The following ABTB3 variants were observed in gnomAD, a reference collection of about 807,000 sequenced individuals.
The protein encoded by ABTB3 is ankyrin repeat- and BTB/POZ domain-containing protein 3.
the ABTB3 span, among the ~76,000 whole-genome samples, chr12:107,639,470 A>C: frequency 6.6e-6 from 1 of 152,146 alleles, no homozygotes; most frequent in Non-Finnish European, 1.5e-5. Flanking sequence ...GTTCCCAGAA[A>C]GAGAGGATGT....
chr12:107,486,043 G>A, the ABTB3 span, among the ~76,000 whole-genome samples: 5 of 152,148 alleles, frequency 3.3e-5, no homozygotes, highest in South Asian at 1.0e-3. Flanking sequence ...TTATTATTTG[G>A]TGCTGTGGTT....
the ABTB3 span, among the ~76,000 whole-genome samples, chr12:107,493,032 G>A: frequency 4.0e-5 from 6 of 151,698 alleles, no homozygotes; most frequent in Admixed American, 1.3e-4. Context: ...ATTAACCTCC[G>A]GGGCAAAAGA....
the ABTB3 span, among the ~76,000 whole-genome samples, chr12:107,336,727 A>G: frequency 2.0e-5 from 3 of 152,372 alleles, no homozygotes; most frequent in South Asian, 6.2e-4. Context: ...CATAGTAGGC[A>G]CTTCAACATA....
At chr12:107,597,332 A>C in the ABTB3 span, among the ~76,000 whole-genome samples, 9 of 152,336 alleles carry the variant, frequency 5.9e-5, no homozygotes, top group Non-Finnish European at 1.2e-4. Flanking sequence ...CAGAATGGGT[A>C]TTTATAAAGA....
At chr12:107,493,013 A>C in the ABTB3 span, among the ~76,000 whole-genome samples, 4 of 152,012 alleles carry the variant, frequency 2.6e-5, no homozygotes, top group South Asian at 8.3e-4. Context: ...CTAGGAAAAC[A>C]GGAAGCACAT....
chr12:107,388,706 C>G, the ABTB3 span, among the ~76,000 whole-genome samples: 114 of 152,330 alleles, frequency 7.5e-4, no homozygotes, highest in African/African-American at 2.5e-3. Context: ...ACAGCACCAG[C>G]AGGTCTCCGT....
At chr12:107,318,945 C>T in the ABTB3 span, 1 of 1,602,876 alleles carries the variant, frequency 6.2e-7, no homozygotes, top group East Asian at 2.2e-5. Flanking sequence ...GCAGCGATGG[C>T]CAGGAGAGGT....
At chr12:107,589,788 T>G in the ABTB3 span, among the ~76,000 whole-genome samples, 3 of 152,238 alleles carry the variant, frequency 2.0e-5, no homozygotes, top group Non-Finnish European at 2.9e-5. Context: ...GTTGCCTTGA[T>G]TGTGGGGCTT....
chr12:107,449,207 G>A, the ABTB3 span, among the ~76,000 whole-genome samples: 1 of 152,176 alleles, frequency 6.6e-6, no homozygotes, highest in African/African-American at 2.4e-5. Context: ...GGAAGCCCAG[G>A]TAACATCAGA....
chr12:107,367,223 G>C, the ABTB3 span, among the ~76,000 whole-genome samples: 1 of 152,184 alleles, frequency 6.6e-6, no homozygotes, highest in African/African-American at 2.4e-5. Context: ...TTCATACCAA[G>C]GGGGTGGTAA....
At chr12:107,581,148 G>A in the ABTB3 span, 1 of 1,545,190 alleles carries the variant, frequency 6.5e-7, no homozygotes, top group Non-Finnish European at 8.7e-7. Flanking sequence ...TCCTCCCACC[G>A]CAGGCCCTTC....
At chr12:107,612,287 C>G in the ABTB3 span, among the ~76,000 whole-genome samples, 1 of 152,208 alleles carries the variant, frequency 6.6e-6, no homozygotes, top group Non-Finnish European at 1.5e-5. Flanking sequence ...CATGTCAAAC[C>G]AGATGTCAAT....
chr12:107,615,257 C>T, the ABTB3 span: 1 of 932,442 alleles, frequency 1.1e-6, no homozygotes, highest in Admixed American at 2.2e-5. Context: ...TTCTCTAAGA[C>T]ATTCATATTG....
At chr12:107,399,393 C>G in the ABTB3 span, among the ~76,000 whole-genome samples, 1 of 152,176 alleles carries the variant, frequency 6.6e-6, no homozygotes, top group Non-Finnish European at 1.5e-5. Flanking sequence ...ACCCCACCCC[C>G]CAAACCCATT....
At chr12:107,551,470 A>G in the ABTB3 span, among the ~76,000 whole-genome samples, 1 of 152,200 alleles carries the variant, frequency 6.6e-6, no homozygotes, top group Non-Finnish European at 1.5e-5. Context: ...TAGCTCCACT[A>G]TGTTTCAGAC....
At chr12:107,361,573 C>A in the ABTB3 span, among the ~76,000 whole-genome samples, 1 of 152,070 alleles carries the variant, frequency 6.6e-6, no homozygotes, top group Admixed American at 6.5e-5. Context: ...TGGATTTGAT[C>A]CCCCAGTTCA....
the ABTB3 span, among the ~76,000 whole-genome samples, chr12:107,451,712 A>G: frequency 1.3e-5 from 2 of 148,428 alleles, no homozygotes; most frequent in African/African-American, 5.0e-5. Context: ...AGCTGAACTC[A>G]CAAGCTCTTC....
At chr12:107,375,255 A>G in the ABTB3 span, among the ~76,000 whole-genome samples, 1 of 152,070 alleles carries the variant, frequency 6.6e-6, no homozygotes, top group Non-Finnish European at 1.5e-5. Context: ...TGTCTCTACT[A>G]AAAATACAAA....
the ABTB3 span, among the ~76,000 whole-genome samples, chr12:107,643,780 G>A: frequency 7.5e-6 from 1 of 134,082 alleles, no homozygotes. Flanking sequence ...TGTTGAGAGA[G>A]AGAGAGAGGG....
Sources: allele counts gnomAD v4.1 joint callset (sites outside exome capture counted in the v4.1 genomes callset), GRCh38; gene constraint gnomAD v4.1.1; transcripts MANE v1.5; gene names NCBI Gene and HGNC (gene_info 2026-07-23, HGNC 2026-07-21).